UNC5D: variants seen among roughly 807,000 people sequenced by gnomAD.
UNC5D encodes unc-5 netrin receptor D, also known as netrin receptor UNC5D.
A neutral mutation model predicts 105.4 loss-of-function variants in UNC5D; 39 were observed. The ratio of observed to expected loss-of-function variants is 0.37; its 90% CI spans 0.29 to 0.48. The LOEUF (loss-of-function observed/expected upper bound fraction) is 0.48. Ranked by LOEUF, UNC5D falls within the 20% of genes least tolerant of loss-of-function variation. UNC5D has a pLI of 0.98. For missense variants in UNC5D, 991 were observed against 1,202.4 expected, an observed-to-expected ratio of 0.82 and a Z score of 2.60; for synonymous variants, 452 against 450.4, an observed-to-expected ratio of 1.00 and a Z score of -0.04.
intron 15 of UNC5D, among the ~76,000 whole-genome samples, chr8:35,771,174 A>C (rs1801995603): frequency 1.3e-5 from 2 of 152,192 alleles, no homozygotes; most frequent in Admixed American, 6.5e-5. Flanking sequence ...ATAATACTTT[A>C]TTCACCTTCA....
intron 4 of UNC5D, among the ~76,000 whole-genome samples, chr8:35,681,995 C>T (rs375884702): frequency 1.3e-4 from 20 of 152,088 alleles, no homozygotes; most frequent in South Asian, 4.1e-4. Context: ...GACGGAGTCT[C>T]GCTCTGTCGC....
chr8:35,672,591 G>A (rs900689614), intron 4 of UNC5D, among the ~76,000 whole-genome samples: 1 of 152,110 alleles, frequency 6.6e-6, no homozygotes, highest in African/African-American at 2.4e-5. Context: ...TCCCACTATG[G>A]AAAACACAGC....
chr8:35,768,575 T>A (rs1255677961), intron 15 of UNC5D, among the ~76,000 whole-genome samples: 1 of 152,042 alleles, frequency 6.6e-6, no homozygotes, highest in Non-Finnish European at 1.5e-5. Context: ...GGCCAATGAG[T>A]TCGGGTTTAA....
intron 1 of UNC5D, among the ~76,000 whole-genome samples, chr8:35,338,383 C>G (rs1441227900): frequency 2.0e-5 from 3 of 151,896 alleles, no homozygotes; most frequent in Non-Finnish European, 4.4e-5. Context: ...TTCATTTAAG[C>G]CAGTTTTGGT....
At chr8:35,447,249 C>T (rs546698080) in intron 1 of UNC5D, among the ~76,000 whole-genome samples, 3 of 152,132 alleles carry the variant, frequency 2.0e-5, no homozygotes, top group African/African-American at 7.2e-5. Context: ...ATCACTAACT[C>T]TACAAAATAT....
chr8:35,364,204 A>T (rs1353310521), intron 1 of UNC5D, among the ~76,000 whole-genome samples: 1 of 151,962 alleles, frequency 6.6e-6, no homozygotes, highest in Non-Finnish European at 1.5e-5. Context: ...AATTTTCATT[A>T]TTCTTTCTAT....
chr8:35,364,646 A>C (rs1802017967), intron 1 of UNC5D, among the ~76,000 whole-genome samples: 1 of 152,220 alleles, frequency 6.6e-6, no homozygotes, highest in Admixed American at 6.5e-5. Flanking sequence ...ATGTACATAC[A>C]CATGCACATA....
At position 35,731,067 on chromosome 8, in the gene UNC5D, T is replaced by A; in HGVS notation, c.1737T>A (p.Ile579=). Residue 579 remains isoleucine, a synonymous_variant, in exon 11 of 17, where the codon ATT becomes ATA. Coordinates refer to ENST00000404895, the MANE Select transcript of UNC5D (RefSeq NM_080872.4). ...GAIPEENSWE[I]YMSINQGEPS... ...TCCCAGAGGAGAATTCTTGGGAGAT[T>A]TATATGTCCATCAACCAAGGTGAAC... 6.2e-7 allele frequency: 1 copy of A among 1,613,856 alleles called. No homozygotes were observed. Among genetic ancestry groups the A allele is most frequent in the African/African-American group, 1.3e-5 (1 of 75,008 alleles).
At chr8:35,656,328 C>T (rs940141683) in intron 4 of UNC5D, among the ~76,000 whole-genome samples, 7 of 152,182 alleles carry the variant, frequency 4.6e-5, no homozygotes, top group African/African-American at 7.2e-5. Context: ...GTATTTATTG[C>T]CTCCAACCTT....
chr8:35,284,804 C>T (rs1281433926), intron 1 of UNC5D, among the ~76,000 whole-genome samples: 2 of 152,020 alleles, frequency 1.3e-5, no homozygotes, highest in East Asian at 1.9e-4. Context: ...CCTCGTGACC[C>T]GCCTGCCTCA....
chr8:35,242,868 T>C (rs1802884064), intron 1 of UNC5D, among the ~76,000 whole-genome samples: 1 of 152,214 alleles, frequency 6.6e-6, no homozygotes, highest in Admixed American at 6.5e-5. Context: ...TAGAAGTCAT[T>C]GGTGTCTTCT....
At chr8:35,748,445 C>T in intron 11 of UNC5D, 82 bp from the exon 12 acceptor site, 1 of 1,437,814 alleles carries the variant, frequency 7.0e-7, no homozygotes, top group Non-Finnish European at 9.4e-7. Context: ...GAAGAAAACC[C>T]CAGTCTGTTA....
At chr8:35,615,207 C>G (rs1820962962) in intron 4 of UNC5D, among the ~76,000 whole-genome samples, 1 of 152,152 alleles carries the variant, frequency 6.6e-6, no homozygotes, top group South Asian at 2.1e-4. Flanking sequence ...CCACTGCACT[C>G]CAGCGTGGGG....
At chr8:35,687,926 C>G (rs778530143) in intron 7 of UNC5D, among the ~76,000 whole-genome samples, 12 of 151,972 alleles carry the variant, frequency 7.9e-5, no homozygotes. Context: ...GTCAGGTGAT[C>G]GAGACCATCC....
At chr8:35,387,022 C>CG (rs376481653) in intron 1 of UNC5D, among the ~76,000 whole-genome samples, 1 of 151,830 alleles carries the variant, frequency 6.6e-6, no homozygotes, top group East Asian at 1.9e-4. Flanking sequence ...AATTCCCCCC[C>CG]TGCTGTAGTG....
At position 35,549,510 on chromosome 8, in the gene UNC5D, G is replaced by C; in HGVS notation, c.322G>C (p.Gly108Arg). ...TGAAGAGACTCTGGACGAGAGCTCA[G>C]GTAGGAGCGTGCAGCAGTCAGAAGC... ...VSEETLDESSGLKVREVFINV... is the reference protein window; with the variant it reads ...VSEETLDESSRLKVREVFINV... Residue 108 changes from glycine (G) to arginine (R), a missense_variant and splice_region_variant, in exon 2 of 17, where the codon GGT becomes CGT. Gly to Arg is a moderately radical substitution (Grantham distance 125). Transcript: ENST00000404895. 1 of 1,611,108 alleles carries C rather than the reference G, an allele frequency of 6.2e-7. No individual in the cohort carries two copies. The highest frequency in any genetic ancestry group is 8.5e-7 in the Non-Finnish European group (1 of 1,179,498).
intron 1 of UNC5D, among the ~76,000 whole-genome samples, chr8:35,492,403 T>A (rs548349168): frequency 1.3e-5 from 2 of 152,246 alleles, no homozygotes; most frequent in Non-Finnish European, 2.9e-5. Context: ...GAGGGAAATA[T>A]AAAGTTGCTA....
intron 1 of UNC5D, among the ~76,000 whole-genome samples, chr8:35,294,697 CTT>C (rs36071675): frequency 1.4e-3 from 198 of 141,276 alleles, no homozygotes; most frequent in East Asian, 3.3e-3. Context: ...TTCTTTTCTT[CTT>C]TTTTTTTTTT....
chr8:35,756,077 G>T (rs1419567765), intron 13 of UNC5D, among the ~76,000 whole-genome samples: 1 of 152,118 alleles, frequency 6.6e-6, no homozygotes, highest in Non-Finnish European at 1.5e-5. Context: ...ATACTCAGGA[G>T]TCTATTTATT....
Sources: gnomAD v4.1 joint callset for allele counts (sites outside exome capture counted in the v4.1 genomes callset) on GRCh38, gnomAD v4.1.1 for gene constraint, MANE v1.5 for transcripts, NCBI Gene and HGNC (gene_info 2026-07-23, HGNC 2026-07-21) for gene names.